Variants in ANKRD62 observed in about 807,000 individuals in gnomAD.
The protein encoded by ANKRD62 is ankyrin repeat domain-containing protein 62.
ANKRD62 carries 61 observed loss-of-function variants against 98.8 expected under a neutral mutation model. That is an observed-to-expected ratio of 0.62 (90% CI 0.50 to 0.76). The LOEUF (loss-of-function observed/expected upper bound fraction) is 0.76. ANKRD62 is among the 30% of genes least tolerant of loss of function. ANKRD62 has a pLI of 0.00. For synonymous variants in ANKRD62, 341 were observed against 367.9 expected (o/e 0.93, Z 0.84); for missense variants, 933 against 1,082.9 (o/e 0.86, Z 1.94).
chr18:12,115,533 A>G lies in ANKRD62; in HGVS notation c.1239A>G (p.Lys413=). The G allele has an allele frequency of 3.9e-6, 6 of 1,534,036 alleles. No individual in the cohort carries two copies. Among genetic ancestry groups the G allele is most frequent in the Non-Finnish European group, 5.2e-6 (6 of 1,144,790 alleles). ...TTGAACAAAGTGGAATGGAGTGTAA[A>G]GGTAGGACCAATGCATAAATATAAG... is the stretch of plus-strand genomic sequence containing the variant. ...LLIEQSGMEC[K]DFVSLSKSKN... The change falls in exon 10 of 14, where the codon AAA becomes AAG. Residue 413 remains lysine (K), a splice_region_variant and synonymous_variant. Coordinates refer to ENST00000587848, the MANE Select transcript of ANKRD62 (RefSeq NM_001277333.2).
At chr18:12,124,593 A>G (rs1314091681) in intron 12 of ANKRD62, among the ~76,000 whole-genome samples, 1 of 152,140 alleles carries the variant, frequency 6.6e-6, no homozygotes, top group Non-Finnish European at 1.5e-5. Flanking sequence ...GACATAGTTC[A>G]GTGTAGTTTT....
At chr18:12,125,010 G>GA (rs1909857476) in intron 12 of ANKRD62, among the ~76,000 whole-genome samples, 1 of 152,118 alleles carries the variant, frequency 6.6e-6, no homozygotes, top group Admixed American at 6.5e-5. Flanking sequence ...ATAGTCACAG[G>GA]AAAAAGAAAC....
rs1262000658 is a variant in ANKRD62, at chr18:12,128,112, T to C, written c.*173T>C. 3 of 353,624 alleles carry C rather than the reference T, an allele frequency of 8.5e-6. No homozygotes were observed. Among genetic ancestry groups the C allele is most frequent in the African/African-American group, 6.3e-5 (3 of 47,458 alleles). The allele number at this position is 353,624 out of a possible 1,614,324, so 21.9% of individuals were successfully genotyped here. On this transcript the variant is annotated 3_prime_UTR_variant, in exon 14 of 14. Coordinates refer to ENST00000587848, the MANE Select transcript of ANKRD62 (RefSeq NM_001277333.2). The stretch of plus-strand genomic sequence containing the variant: ...ATTTTTCTTACACTATTTCCCCTTA[T>C]GAAAGTTGAGAATTACACATCATTT...
chr18:12,170,701 C>T, the ANKRD62 span, among the ~76,000 whole-genome samples: 112 of 152,228 alleles, frequency 7.4e-4, no homozygotes, highest in Non-Finnish European at 1.3e-3. Context: ...CCTTCTGTCT[C>T]GTTGATCTGT....
chr18:12,110,295 T>TTC (rs1909512249), intron 8 of ANKRD62, among the ~76,000 whole-genome samples: 1 of 152,222 alleles, frequency 6.6e-6, no homozygotes, highest in Non-Finnish European at 1.5e-5. Flanking sequence ...TGGGTGAGTT[T>TTC]TCTCAAGTAA....
At chr18:12,141,054 C>T in the ANKRD62 span, among the ~76,000 whole-genome samples, 56 of 152,332 alleles carry the variant, frequency 3.7e-4, no homozygotes, top group African/African-American at 1.1e-3. Context: ...TGAGCAATGG[C>T]GGGCGCCCCT....
the ANKRD62 span, among the ~76,000 whole-genome samples, chr18:12,157,670 T>C: frequency 8.5e-5 from 13 of 152,234 alleles, no homozygotes; most frequent in Non-Finnish European, 1.2e-4. Flanking sequence ...ATCTTTGTCC[T>C]TTCCTTTCTT....
intron 8 of ANKRD62, among the ~76,000 whole-genome samples, 173 bp downstream of exon 8, chr18:12,107,640 A>T (rs1280264845): frequency 6.6e-6 from 1 of 152,212 alleles, no homozygotes; most frequent in Non-Finnish European, 1.5e-5. Flanking sequence ...GGTCTTTCCA[A>T]TCATATTGAT....
At chr18:12,112,414 A>G (rs1277871626) in intron 8 of ANKRD62, among the ~76,000 whole-genome samples, 1 of 152,168 alleles carries the variant, frequency 6.6e-6, no homozygotes, top group Non-Finnish European at 1.5e-5. Context: ...AAATATGAAC[A>G]CACACCTGCA....
chr18:12,140,534 G>A, the ANKRD62 span, among the ~76,000 whole-genome samples: 7 of 151,294 alleles, frequency 4.6e-5, no homozygotes, highest in Non-Finnish European at 7.4e-5. Flanking sequence ...TGGTGTAGAT[G>A]TCCTTTCTGT....
chr18:12,157,402 T>G, the ANKRD62 span, among the ~76,000 whole-genome samples: 1 of 152,160 alleles, frequency 6.6e-6, no homozygotes, highest in Non-Finnish European at 1.5e-5. Context: ...CCCATGTAAA[T>G]TACTAATTTC....
At chr18:12,173,643 A>G in the ANKRD62 span, among the ~76,000 whole-genome samples, 3 of 152,242 alleles carry the variant, frequency 2.0e-5, no homozygotes, top group East Asian at 1.9e-4. Flanking sequence ...ATCTTTTCAT[A>G]TTGAGTGCTC....
Position 12,107,318 on chromosome 18 carries a change from C to T in ANKRD62, c.915C>T (p.Cys305=). 6.7e-7 allele frequency: 1 copy of T among 1,485,502 alleles called. No individual in the cohort carries two copies. Among genetic ancestry groups the T allele is most frequent in the African/African-American group, 1.4e-5 (1 of 70,764 alleles). The allele number at this position is 1,485,502 out of a possible 1,614,324, so 92.0% of individuals were successfully genotyped here. A position where few individuals can be genotyped will look rare whatever the true frequency, so the allele number is the denominator to read the frequency against. The change falls in exon 8 of 14, where the codon TGC becomes TGT. Residue 305 remains cysteine (C), a synonymous_variant. Transcript: ENST00000587848. ...QPQVEEKMKK[C]RNKKMEVSRN... ...AGGTTGAAGAAAAAATGAAGAAATG[C>T]AGAAATAAGAAAATGGAAGTGTCAA...
chr18:12,178,069 T>C, the ANKRD62 span, among the ~76,000 whole-genome samples: 1 of 83,848 alleles, frequency 1.2e-5, no homozygotes, highest in East Asian at 2.9e-4. Context: ...AGAAGAAGCA[T>C]AAGAAGAGCA....
At chr18:12,141,267 C>G in the ANKRD62 span, among the ~76,000 whole-genome samples, 1 of 152,234 alleles carries the variant, frequency 6.6e-6, no homozygotes, top group Non-Finnish European at 1.5e-5. Context: ...CTTTCTTTGA[C>G]TAGGAAAGGG....
intron 5 of ANKRD62, among the ~76,000 whole-genome samples, 183 bp from the exon 6 acceptor site, chr18:12,099,432 A>C (rs1909252144): frequency 6.6e-6 from 1 of 152,148 alleles, no homozygotes; most frequent in African/African-American, 2.4e-5. Flanking sequence ...TACTGTCCTC[A>C]CTTCATACTT....
At chr18:12,174,162 C>T in the ANKRD62 span, among the ~76,000 whole-genome samples, 4 of 152,040 alleles carry the variant, frequency 2.6e-5, no homozygotes, top group African/African-American at 9.7e-5. Flanking sequence ...TTATGTAATC[C>T]CATATTTCTC....
the ANKRD62 span, among the ~76,000 whole-genome samples, chr18:12,154,005 G>A: frequency 1.6e-4 from 25 of 152,214 alleles, no homozygotes; most frequent in East Asian, 2.1e-3. Flanking sequence ...TAAAAATCCC[G>A]GAAGACAACC....
chr18:12,117,017 A>C (rs1909679076), intron 10 of ANKRD62, among the ~76,000 whole-genome samples: 1 of 152,108 alleles, frequency 6.6e-6, no homozygotes, highest in Admixed American at 6.5e-5. Flanking sequence ...GTAGTTGTAA[A>C]TCATATGCTT....
Sources: gnomAD v4.1 joint callset for allele counts (sites outside exome capture counted in the v4.1 genomes callset) on GRCh38, gnomAD v4.1.1 for gene constraint, MANE v1.5 for transcripts, NCBI Gene and HGNC (gene_info 2026-07-23, HGNC 2026-07-21) for gene names.